The following MYPN variants were observed in gnomAD, a reference collection of about 807,000 sequenced individuals.
The protein encoded by MYPN is myopalladin, also known as sarcomeric protein myopalladin, 145 kDa (MYOP).
A neutral mutation model predicts 129.4 loss-of-function variants in MYPN; 63 were observed. That is an observed-to-expected ratio of 0.49 (90% CI 0.40 to 0.60). The LOEUF is 0.60. MYPN is among the 20% of genes least tolerant of loss of function. The probability of loss-of-function intolerance (pLI) is 0.00; values close to 1 mark genes in which losing one functional copy is unlikely to be tolerated. For missense variants in MYPN, 1,596 were observed against 1,635.4 expected (o/e 0.98, Z 0.42); for synonymous variants, 629 against 600.9 (o/e 1.05, Z -0.68).
intron 1 of MYPN, among the ~76,000 whole-genome samples, chr10:68,115,823 TC>T (rs1323249248): frequency 2.0e-5 from 3 of 152,204 alleles, no homozygotes; most frequent in Non-Finnish European, 4.4e-5. Context: ...ACTTCTTCGC[TC>T]ACTGGGCTTG....
rs1589587049 is a variant in MYPN, at chr10:68,174,010, G to A, written c.1974-56G>A. On this transcript the variant is annotated intron_variant, in intron 10 of 19. Transcript: ENST00000358913. ...AGTCTGTCTGAACATTGTTTGAAAG[G>A]TGAGGCCAATAATAACACATTTCCT... The A allele has an allele frequency of 1.0e-5, 14 of 1,356,834 alleles. No individual in the cohort carries two copies. In the East Asian group the frequency reaches 3.2e-4, roughly 31 times the overall value. The allele number at this position is 1,356,834 out of a possible 1,614,324, so 84.0% of individuals were successfully genotyped here.
intron 2 of MYPN, among the ~76,000 whole-genome samples, chr10:68,129,538 A>T (rs1199925431): frequency 6.6e-6 from 1 of 152,236 alleles, no homozygotes; most frequent in African/African-American, 2.4e-5. Flanking sequence ...GAACAATGTC[A>T]TTACAAATGT....
chr10:68,176,827 G>A (rs1564682713), intron 12 of MYPN, among the ~76,000 whole-genome samples: 1 of 152,168 alleles, frequency 6.6e-6, no homozygotes, highest in Non-Finnish European at 1.5e-5. Flanking sequence ...TGGTTTCTAG[G>A]ATACTCTCAC....
intron 12 of MYPN, among the ~76,000 whole-genome samples, chr10:68,184,358 G>T (rs2134241392): frequency 6.6e-6 from 1 of 152,350 alleles, no homozygotes; most frequent in Middle Eastern, 3.4e-3. Flanking sequence ...TCGGATGCAT[G>T]AATGACCCAA....
At chr10:68,148,574 A>G (rs2042710712) in intron 5 of MYPN, 107 bp downstream of exon 5, 3 of 841,720 alleles carry the variant, frequency 3.6e-6, no homozygotes, top group South Asian at 1.4e-5. Flanking sequence ...GTGCAACTCC[A>G]TCATCAGGAT....
chr10:68,195,608 G>T (rs2043592199), intron 15 of MYPN, 76 bp downstream of exon 15: 1 of 1,189,100 alleles, frequency 8.4e-7, no homozygotes, highest in African/African-American at 1.5e-5. Flanking sequence ...CAAAGTACTG[G>T]ATCCACAAAT....
intron 1 of MYPN, among the ~76,000 whole-genome samples, chr10:68,100,970 C>A (rs1285084245): frequency 6.6e-6 from 1 of 152,156 alleles, no homozygotes; most frequent in Non-Finnish European, 1.5e-5. Flanking sequence ...GCCATTTGAT[C>A]TTTCCTGGCA....
chr10:68,109,435 G>A (rs1564640469), upstream of MYPN: 1 of 447,178 alleles, frequency 2.2e-6, no homozygotes. Context: ...CCAATCAGGT[G>A]GAATGTTTCA....
chr10:68,093,574 T>TAAAAAAAAAAAAAA (rs34247732), intron 1 of MYPN, among the ~76,000 whole-genome samples: 2 of 106,810 alleles, frequency 1.9e-5, no homozygotes, highest in Non-Finnish European at 3.9e-5. Flanking sequence ...CCATCTCTAC[T>TAAAAAAAAAAAAAA]AAAAAAAAAA....
At chr10:68,174,016 C>A (rs2134198121) in intron 10 of MYPN, 50 bp from the exon 11 acceptor site, 2 of 1,392,082 alleles carry the variant, frequency 1.4e-6, no homozygotes, top group Non-Finnish European at 1.0e-6. Context: ...AAAGGTGAGG[C>A]CAATAATAAC....
intron 5 of MYPN, among the ~76,000 whole-genome samples, 192 bp from the exon 6 acceptor site, chr10:68,149,848 G>C (rs575587547): frequency 6.6e-6 from 1 of 152,222 alleles, no homozygotes; most frequent in South Asian, 2.1e-4. Context: ...ATATTTTATA[G>C]CCACCATGAC....
intron 1 of MYPN, among the ~76,000 whole-genome samples, chr10:68,099,350 TTTGTTG>T (rs915793556): frequency 6.6e-6 from 1 of 152,076 alleles, no homozygotes; most frequent in African/African-American, 2.4e-5. Context: ...GGAGTGTTGT[TTTGTTG>T]TTGTTGTTGT....
intron 12 of MYPN, among the ~76,000 whole-genome samples, chr10:68,183,453 C>A (rs10997994): frequency 6.6e-6 from 1 of 151,426 alleles, no homozygotes; most frequent in East Asian, 1.9e-4. Context: ...TAGAGCCAGA[C>A]CTTGTCTCAA....
At chr10:68,115,258 C>CAAAAAA (rs58484168) in intron 1 of MYPN, among the ~76,000 whole-genome samples, 4 of 53,640 alleles carry the variant, frequency 7.5e-5, no homozygotes, top group Non-Finnish European at 8.2e-5. Flanking sequence ...AACTCCATCT[C>CAAAAAA]AAAAAAAAAA....
rs991337540 is a variant in MYPN, at chr10:68,099,637, C to CT, written c.-2+11646dup. Among the ~76,000 whole-genome samples, 20 of 145,440 alleles carry CT rather than the reference C, an allele frequency of 1.4e-4. No homozygotes were observed. In the East Asian group the frequency reaches 2.1e-3, roughly 16 times the overall value. On this transcript the variant is annotated intron_variant, in intron 1 of 6. Coordinates refer to the MYPN transcript ENST00000685154. ...CCTGGGTGACAGAGCAAGACTCTGT[C>CT]TCAAAAAAAAAAAAGTAACTAATAA...
In MYPN at chr10:68,143,093, T is replaced by C. The variant is rs2134066838; in HGVS notation, c.1056T>C (p.Thr352=). ...CTAACATCTATGGGACAGATTCGAC[T>C]TCTGCTGAGATTTATATAGAAGGTA... ...FASNIYGTDS[T]SAEIYIEGVS... is the part of the protein sequence containing the mutation. The change falls in exon 3 of 20, where the codon ACT becomes ACC. Residue 352 remains threonine (T), a synonymous_variant. Transcript: ENST00000358913. 1.2e-6 allele frequency: 2 copies of C among 1,614,124 alleles called. No individual in the cohort carries two copies. The highest frequency in any genetic ancestry group is 2.2e-5 in the South Asian group (2 of 91,078).
intron 1 of MYPN, among the ~76,000 whole-genome samples, chr10:68,110,647 A>T (rs950367120): frequency 6.6e-6 from 1 of 152,198 alleles, no homozygotes. Flanking sequence ...TAAATTAAAA[A>T]TTTGTCATAA....
chr10:68,133,895 C>T (rs2042447407), intron 2 of MYPN, among the ~76,000 whole-genome samples: 1 of 151,534 alleles, frequency 6.6e-6, no homozygotes, highest in Non-Finnish European at 1.5e-5. Context: ...TTACAGTCTG[C>T]TCCTCCCCAG....
At chr10:68,140,064 G>A (rs1352354483) in intron 2 of MYPN, among the ~76,000 whole-genome samples, 1 of 152,186 alleles carries the variant, frequency 6.6e-6, no homozygotes, top group African/African-American at 2.4e-5. Flanking sequence ...TCTCTGAGAA[G>A]GCGACATTTG....
Sources: gnomAD v4.1 joint callset for allele counts (sites outside exome capture counted in the v4.1 genomes callset) on GRCh38, gnomAD v4.1.1 for gene constraint, MANE v1.5 for transcripts, NCBI Gene and HGNC (gene_info 2026-07-23, HGNC 2026-07-21) for gene names.